ARHGEF18: variants seen among roughly 807,000 people sequenced by gnomAD.
ARHGEF18 encodes the protein rho guanine nucleotide exchange factor 18.
In ARHGEF18, 93 loss-of-function variants were observed where a neutral mutation model predicts 155.7. The ratio of observed to expected loss-of-function variants is 0.60; its 90% CI spans 0.50 to 0.71. The LOEUF (loss-of-function observed/expected upper bound fraction) is 0.71. Among genes scored for constraint, ARHGEF18 ranks in the 30% least tolerant of loss-of-function variants. The pLI is 0.00. For missense variants in ARHGEF18, 1,593 were observed against 1,816.1 expected, an observed-to-expected ratio of 0.88 and a Z score of 2.23; for synonymous variants, 742 against 753.1, an observed-to-expected ratio of 0.99 and a Z score of 0.24.
chr19:7,450,016 T>C (rs913906885), intron 15 of ARHGEF18, among the ~76,000 whole-genome samples: 25 of 152,176 alleles, frequency 1.6e-4, no homozygotes, highest in Non-Finnish European at 1.9e-4. Context: ...GATCCCTGCG[T>C]TCAGGTATCT....
rs1428255980 is a variant in ARHGEF18, at chr19:7,463,963, C to T, written c.2773+8C>T. On this transcript the variant is annotated splice_region_variant and intron_variant, in intron 22 of 28. Transcript: ENST00000668164. This position sits in a 1 kb window ranked among gnomAD's most constrained non-coding sequence, Gnocchi z 5.2. ...CAAACAGCCCCACCAAGAGTAAGAG[C>T]GGGGCCGTCTCCCCTCCTGCCTCCA... 50 of 1,572,750 alleles carry T rather than the reference C, an allele frequency of 3.2e-5. No homozygotes were observed. The highest frequency in any genetic ancestry group is 5.4e-5 in the African/African-American group (4 of 73,880).
At chr19:7,366,360 C>T (rs528538690) in intron 2 of ARHGEF18, among the ~76,000 whole-genome samples, 161 of 152,370 alleles carry the variant, frequency 1.1e-3, no homozygotes, top group Admixed American at 2.0e-3. Context: ...CCCCAACGGT[C>T]CACACCTCAG....
chr19:7,441,890 C>G (rs1266097017), intron 12 of ARHGEF18, 22 bp from the exon 13 acceptor site: 1 of 1,613,638 alleles, frequency 6.2e-7, no homozygotes, highest in Non-Finnish European at 8.5e-7. Context: ...CCCCCAGCAG[C>G]CACACCTCGC....
chr19:7,464,535 C>T, intron 22 of ARHGEF18, 25 bp from the exon 23 acceptor site: 3 of 1,599,050 alleles, frequency 1.9e-6, no homozygotes, highest in South Asian at 1.1e-5. Context: ...GCAGCATCCT[C>T]ATGCCCCTGG....
chr19:7,391,106 C>T (rs1162713570), intron 10 of ARHGEF18, among the ~76,000 whole-genome samples: 1 of 151,970 alleles, frequency 6.6e-6, no homozygotes, highest in African/African-American at 2.4e-5. Context: ...TCTCTGACAA[C>T]AAACCCCTCC....
chr19:7,440,063 G>C lies in ARHGEF18; in HGVS notation c.968-281G>C, dbSNP rs551334975. On this transcript the variant is annotated intron_variant, in intron 10 of 28. Coordinates refer to ENST00000668164, the MANE Select transcript of ARHGEF18 (RefSeq NM_001367823.1). The surrounding 1 kb of genome is among the most constrained non-coding windows in gnomAD (Gnocchi z 5.4). ...CGAGGCATAAAAACGGCGCAGCCCA[G>C]CCTGGCGCCGCGCCGGGTCCCGGAG... 1 of 1,550,554 alleles carries C rather than the reference G, an allele frequency of 6.4e-7. No individual in the cohort carries two copies. The highest frequency in any genetic ancestry group is 1.2e-5 in the South Asian group (1 of 84,016).
intron 26 of ARHGEF18, among the ~76,000 whole-genome samples, chr19:7,468,530 C>A (rs1424544353): frequency 1.3e-5 from 2 of 152,202 alleles, no homozygotes; most frequent in Non-Finnish European, 2.9e-5. Context: ...CAGAGCAAGA[C>A]CGTGTCTCTG....
In ARHGEF18 at chr19:7,431,847, G is replaced by C. The variant is rs182082974; in HGVS notation, c.968-8497G>C. ...AGAAATACTAAGTCCTCAGGACACA[G>C]CCTGGAATGCAAGAAGCACTCAATA... On this transcript the variant is annotated intron_variant, in intron 10 of 28. Coordinates refer to ENST00000668164, the MANE Select transcript of ARHGEF18 (RefSeq NM_001367823.1). 4.1e-4 allele frequency among the ~76,000 whole-genome samples: 63 copies of C among 152,312 alleles called. 1 individual carries two copies. The East Asian group carries it at 6.6e-3, about 16-fold the overall frequency.
At chr19:7,407,892 G>A (rs1972419051) in intron 10 of ARHGEF18, among the ~76,000 whole-genome samples, 1 of 150,564 alleles carries the variant, frequency 6.6e-6, no homozygotes, top group African/African-American at 2.5e-5. Context: ...AACCCAGGAG[G>A]CGGAGCTTGC....
downstream of ARHGEF18, among the ~76,000 whole-genome samples, chr19:7,476,509 G>C (rs149419414): frequency 9.4e-3 from 1,434 of 152,348 alleles, 12 homozygotes; most frequent in Middle Eastern, 0.027. Flanking sequence ...GCTGAGGTGG[G>C]AGCCCCAAGT....
In ARHGEF18 at chr19:7,366,852, T is replaced by A. The variant is rs542057918; in HGVS notation, c.15+3947T>A. ...ATCATAGCTCACTGCAACCTCTGCC[T>A]CCTGAACTCAAGCAACCCTCCCACC... On this transcript the variant is annotated intron_variant, in intron 2 of 28. Transcript: ENST00000668164. 6.6e-5 allele frequency among the ~76,000 whole-genome samples: 10 copies of A among 152,056 alleles called. No homozygotes were observed. In the East Asian group the frequency reaches 1.9e-3, roughly 29 times the overall value.
chr19:7,466,824 A>AG (rs1976642384), intron 23 of ARHGEF18, 94 bp from the exon 24 acceptor site: 1 of 1,152,962 alleles, frequency 8.7e-7, no homozygotes, highest in African/African-American at 1.7e-5. Context: ...AAAAAAAAAA[A>AG]AAGTTAAAAA....
rs1969136536 is a variant in ARHGEF18, at chr19:7,350,767, G to GTGT, written c.-111+1526_-111+1527insTGT. 2.8e-3 allele frequency among the ~76,000 whole-genome samples: 55 copies of GTGT among 19,484 alleles called. 4 individuals carry two copies. The highest frequency in any genetic ancestry group is 6.2e-3 in the East Asian group (3 of 482). 12.8% of individuals were successfully genotyped at this position (19,484 alleles called of 152,430 possible). A position where few individuals can be genotyped will look rare whatever the true frequency, so the allele number is the denominator to read the frequency against. On this transcript the variant is annotated intron_variant, in intron 1 of 28. Coordinates refer to ENST00000668164, the MANE Select transcript of ARHGEF18 (RefSeq NM_001367823.1). ...AAAGGCTGTTGAGTTTTTTGGGGTG[G>GTGT]GTGTGTGTGTGTGTGTGTGTGTGTG...
chr19:7,435,474 G>A (rs1246769863), intron 10 of ARHGEF18, among the ~76,000 whole-genome samples: 2 of 152,128 alleles, frequency 1.3e-5, no homozygotes, highest in Non-Finnish European at 2.9e-5. Flanking sequence ...TCTTCATTGT[G>A]GTTTCCCGGG....
intron 1 of ARHGEF18, among the ~76,000 whole-genome samples, chr19:7,362,337 G>GGAA (rs375449298): frequency 7.7e-6 from 1 of 130,174 alleles, no homozygotes; most frequent in African/African-American, 4.3e-5. Flanking sequence ...TGGAGGAGGA[G>GGAA]GAGGAAGAGG....
intron 7 of ARHGEF18, among the ~76,000 whole-genome samples, chr19:7,379,404 C>T (rs775064136): frequency 2.0e-5 from 3 of 152,034 alleles, no homozygotes. Context: ...ACTCAAAATA[C>T]AAAAATTAGC....
rs78151731 is a variant in ARHGEF18, at chr19:7,369,232, C to T, written c.16-3580C>T. ...ATCCCAGCAGTTTGGGAGGCTGAGG[C>T]GGATGGATCATCTGAGGTCGGGGGT... is the stretch of plus-strand genomic sequence containing the variant. On this transcript the variant is annotated intron_variant, in intron 2 of 28. Transcript: ENST00000668164. Among the ~76,000 whole-genome samples the T allele has an allele frequency of 3.1e-3, 468 of 152,072 alleles. 13 individuals are homozygous for T. The East Asian group carries it at 0.061, about 20-fold the overall frequency.
chr19:7,359,047 C>T (rs1468458125), intron 1 of ARHGEF18, among the ~76,000 whole-genome samples: 2 of 152,066 alleles, frequency 1.3e-5, no homozygotes, highest in Non-Finnish European at 2.9e-5. Flanking sequence ...TGAGACAGAG[C>T]CCTCAGTTGC....
chr19:7,460,032 G>A (rs1976114780), intron 20 of ARHGEF18, 38 bp downstream of exon 20: 2 of 1,543,688 alleles, frequency 1.3e-6, no homozygotes, highest in Admixed American at 2.0e-5. Context: ...CCCCTTGTGT[G>A]GTGAGCCCTG....
Sources: allele counts gnomAD v4.1 joint callset (sites outside exome capture counted in the v4.1 genomes callset), GRCh38; gene constraint gnomAD v4.1.1; non-coding constraint Gnocchi (gnomAD v3.1); transcripts MANE v1.5; gene names NCBI Gene and HGNC (gene_info 2026-07-23, HGNC 2026-07-21).